The following KAT6B variants were observed in gnomAD, a reference collection of about 807,000 sequenced individuals.
The protein encoded by KAT6B is lysine acetyltransferase 6B.
Under a neutral mutation model 187.5 loss-of-function variants are expected in KAT6B, and 10 were observed. The observed-to-expected ratio is 0.05, with a 90% CI of 0.03 to 0.09. KAT6B has a LOEUF of 0.09. KAT6B is among the 10% of genes least tolerant of loss of function. The probability of loss-of-function intolerance (pLI) is 1.00; values close to 1 mark genes in which losing one functional copy is unlikely to be tolerated. For missense variants in KAT6B, 1,952 were observed against 2,558.9 expected, an observed-to-expected ratio of 0.76 and a Z score of 5.12; for synonymous variants, 861 against 926.8, an observed-to-expected ratio of 0.93 and a Z score of 1.29.
At chr10:74,953,677 G>GAT (rs892855175) in intron 3 of KAT6B, among the ~76,000 whole-genome samples, 1 of 152,192 alleles carries the variant, frequency 6.6e-6, no homozygotes, top group Non-Finnish European at 1.5e-5. Flanking sequence ...TATGGAGAGA[G>GAT]AGGGTTATAT....
chr10:74,825,923 G>C (rs1207041774), upstream of KAT6B, among the ~76,000 whole-genome samples: 2 of 151,682 alleles, frequency 1.3e-5, no homozygotes, highest in East Asian at 2.0e-4. This position sits in a 1 kb window ranked among gnomAD's most constrained non-coding sequence, Gnocchi z 5.0. Flanking sequence ...GGGACGGGAC[G>C]GGACGGGAGA....
At chr10:74,894,399 T>C (rs2132676102) in intron 3 of KAT6B, among the ~76,000 whole-genome samples, 1 of 152,326 alleles carries the variant, frequency 6.6e-6, no homozygotes, top group South Asian at 2.1e-4. Flanking sequence ...TATTTTTGGT[T>C]TGTTTGTTGA....
At chr10:74,868,670 C>T (rs1843709583) in intron 3 of KAT6B, among the ~76,000 whole-genome samples, 1 of 152,188 alleles carries the variant, frequency 6.6e-6, no homozygotes, top group African/African-American at 2.4e-5. Flanking sequence ...CGATTCAGAG[C>T]TCACTGTTTC....
At chr10:74,833,134 C>CAAAAA (rs905808106) in intron 1 of KAT6B, among the ~76,000 whole-genome samples, 4 of 52,256 alleles carry the variant, frequency 7.7e-5, no homozygotes, top group African/African-American at 1.5e-4. Flanking sequence ...GACTCTGTCT[C>CAAAAA]AAAAAAAAAA....
chr10:74,948,519 G>T (rs140852447), intron 3 of KAT6B, among the ~76,000 whole-genome samples: 1 of 152,168 alleles, frequency 6.6e-6, no homozygotes, highest in Non-Finnish European at 1.5e-5. Context: ...ACATTCAGTT[G>T]AGTTGCCTGT....
Position 75,030,551 on chromosome 10 carries a change from C to T in KAT6B, c.5727C>T (p.His1909=). ...NMAASNIGIS[H]SQRLQTQIAS... is the part of the protein sequence containing the mutation. ...CTGCATCAAATATTGGCATCTCTCA[C>T]AGCCAAAGACTGCAAACCCAGATTG... Residue 1909 remains histidine (H), a synonymous_variant, in exon 18 of 18, where the codon CAC becomes CAT. Coordinates refer to ENST00000287239, the MANE Select transcript of KAT6B (RefSeq NM_012330.4). The surrounding 1 kb of genome is among the most constrained non-coding windows in gnomAD (Gnocchi z 4.8). 6.2e-7 allele frequency: 1 copy of T among 1,607,562 alleles called. No homozygotes were observed. Among genetic ancestry groups the T allele is most frequent in the Non-Finnish European group, 8.5e-7 (1 of 1,174,896 alleles).
rs771136678 is a variant in KAT6B at position 75,030,520 on chromosome 10, A to G, written c.5696A>G (p.Asn1899Ser). Reference sequence around the variant, plus strand: ...CTGCCGCCGCCTCTTTTGCAACGGAACATGGCTGCATCAAATATTGGCATC... The same window carrying G: ...CTGCCGCCGCCTCTTTTGCAACGGAGCATGGCTGCATCAAATATTGGCATC... ...MNLPPPLLQR[N>S]MAASNIGISH... Residue 1899 changes from asparagine (N) to serine (S), a missense_variant, in exon 18 of 18, where the codon AAC (asparagine) becomes AGC (serine). Asn to Ser is a conservative substitution (Grantham distance 46, BLOSUM62 1). Around this residue, in one of 9 missense-constraint regions of KAT6B, gnomAD observed 358 missense variants for 436.3 expected, o/e 0.82. Transcript: ENST00000287239. The surrounding 1 kb of genome is among the most constrained non-coding windows in gnomAD (Gnocchi z 4.8). 1 of 1,609,854 alleles carries G rather than the reference A, an allele frequency of 6.2e-7. No homozygotes were observed. Among genetic ancestry groups the G allele is most frequent in the Non-Finnish European group, 8.5e-7 (1 of 1,176,674 alleles).
chr10:75,015,481 AT>A (rs1564622093), intron 13 of KAT6B, among the ~76,000 whole-genome samples: 1 of 152,184 alleles, frequency 6.6e-6, no homozygotes, highest in African/African-American at 2.4e-5. Flanking sequence ...TGTCAAGTTC[AT>A]TTGTCATTAT....
intron 3 of KAT6B, among the ~76,000 whole-genome samples, chr10:74,851,106 A>G (rs1347307511): frequency 6.8e-6 from 1 of 147,164 alleles, no homozygotes; most frequent in Non-Finnish European, 1.5e-5. Context: ...AAAAAAATCA[A>G]AATGATTTTT....
intron 2 of KAT6B, among the ~76,000 whole-genome samples, chr10:74,839,635 A>G (rs569687412): frequency 6.6e-6 from 1 of 152,352 alleles, no homozygotes; most frequent in Admixed American, 6.5e-5. Context: ...TACTTTCTGC[A>G]GTTGTATTTT....
chr10:74,876,947 TTTTG>T (rs538622486), intron 3 of KAT6B, among the ~76,000 whole-genome samples: 2 of 152,010 alleles, frequency 1.3e-5, no homozygotes, highest in South Asian at 4.2e-4. Context: ...AAAACTTTTT[TTTTG>T]TTTGTTTGGC....
intron 3 of KAT6B, among the ~76,000 whole-genome samples, chr10:74,935,065 C>T (rs1849145797): frequency 6.6e-6 from 1 of 152,198 alleles, no homozygotes; most frequent in Non-Finnish European, 1.5e-5. Context: ...TCTTTGGGCC[C>T]ATTATTGAAC....
At chr10:74,979,410 A>AG in intron 10 of KAT6B, 71 bp downstream of exon 10, 2 of 1,098,212 alleles carry the variant, frequency 1.8e-6, no homozygotes, top group Non-Finnish European at 2.8e-6. Context: ...TCTTGATTCT[A>AG]AAGCAGGAAT....
chr10:75,021,205 G>C lies in KAT6B; in HGVS notation c.2941G>C (p.Asp981His). 1 of 1,614,164 alleles carries C rather than the reference G, an allele frequency of 6.2e-7. No homozygotes were observed. Among genetic ancestry groups the C allele is most frequent in the South Asian group, 1.1e-5 (1 of 91,086 alleles). ...LKTCSRANEL[D>H]PDSLRWTPIL... Reference sequence around the variant, plus strand: ...AACCTGTTCCAGAGCCAATGAACTTGATCCAGACAGTCTGAGGTGGACCCC... The same window carrying C: ...AACCTGTTCCAGAGCCAATGAACTTCATCCAGACAGTCTGAGGTGGACCCC... The change falls in exon 15 of 18, where the codon GAT (aspartate) becomes CAT (histidine). Residue 981 changes from aspartate to histidine, a missense_variant. Coordinates refer to ENST00000287239, the MANE Select transcript of KAT6B (RefSeq NM_012330.4).
At chr10:74,952,909 AG>A in intron 3 of KAT6B, among the ~76,000 whole-genome samples, 1 of 133,094 alleles carries the variant, frequency 7.5e-6, no homozygotes, top group East Asian at 2.2e-4. Context: ...CATGTTGGCC[AG>A]GCTGGTCTCG....
intron 4 of KAT6B, among the ~76,000 whole-genome samples, chr10:74,963,409 A>G (rs1589714505): frequency 6.6e-6 from 1 of 152,216 alleles, no homozygotes; most frequent in South Asian, 2.1e-4. Flanking sequence ...CAAATCTAAG[A>G]TAAGTGTACA....
chr10:75,017,033 T>C (rs982091291), intron 13 of KAT6B, among the ~76,000 whole-genome samples: 1 of 152,018 alleles, frequency 6.6e-6, no homozygotes, highest in African/African-American at 2.4e-5. Context: ...CCGGCTAGTT[T>C]TGTGTTTTTA....
intron 3 of KAT6B, among the ~76,000 whole-genome samples, chr10:74,862,680 T>C (rs569851145): frequency 1.3e-5 from 2 of 152,320 alleles, no homozygotes; most frequent in African/African-American, 4.8e-5. Context: ...TGAAGGAGTC[T>C]TGTGGGGAAG....
At chr10:74,889,928 G>A (rs1012890305) in intron 3 of KAT6B, among the ~76,000 whole-genome samples, 4 of 152,194 alleles carry the variant, frequency 2.6e-5, no homozygotes, top group Non-Finnish European at 5.9e-5. Flanking sequence ...GGGATAAGGT[G>A]TATGGAGTAT....
Sources: gnomAD v4.1 joint callset for allele counts (sites outside exome capture counted in the v4.1 genomes callset) on GRCh38, gnomAD v4.1.1 for gene constraint, gnomAD v4.1.1 regional missense constraint, Gnocchi (gnomAD v3.1) non-coding constraint, MANE v1.5 for transcripts, NCBI Gene and HGNC (gene_info 2026-07-23, HGNC 2026-07-21) for gene names.